Variants in CDH16 observed in about 807,000 individuals in gnomAD.
CDH16 encodes cadherin-16.
In CDH16, 79 loss-of-function variants were observed where a neutral mutation model predicts 87.6. That is an observed-to-expected ratio of 0.90 (90% CI 0.75 to 1.09). The LOEUF (loss-of-function observed/expected upper bound fraction) is 1.09, where lower values mean the gene tolerates loss of function less well. CDH16 is among the 50% of genes least tolerant of loss of function. CDH16 has a pLI of 0.00. For missense variants in CDH16, 1,124 were observed against 1,071.7 expected, an observed-to-expected ratio of 1.05 and a Z score of -0.68; for synonymous variants, 457 against 439.5, an observed-to-expected ratio of 1.04 and a Z score of -0.50.
At chr16:66,917,841 C>A in intron 2 of CDH16, 116 bp from the exon 3 acceptor site, 2 of 1,032,782 alleles carry the variant, frequency 1.9e-6, no homozygotes, top group Non-Finnish European at 2.8e-6. Context: ...CTTAGTCCAT[C>A]CACCCGCGCT....
intron 3 of CDH16, 109 bp downstream of exon 3, chr16:66,917,533 A>C: frequency 1.3e-6 from 1 of 786,248 alleles, no homozygotes; most frequent in Admixed American, 2.0e-5. Flanking sequence ...TACTCTCTGG[A>C]AAGCAGGATT....
rs777997212 is a variant in CDH16 at position 66,915,403 on chromosome 16, T to C, written c.425-25A>G. ...CCTGGTTCACGGTGGGAGGGCAAAC[T>C]GTAAGGGATAGAGAGGGTGGGGAGA... On this transcript the variant is annotated intron_variant, in intron 5 of 17. Transcript: ENST00000299752. 5.0e-6 allele frequency: 8 copies of C among 1,610,968 alleles called. No individual in the cohort carries two copies. In the South Asian group the frequency reaches 6.6e-5, roughly 13 times the overall value.
Position 66,910,086 on chromosome 16 carries a change from A to C in CDH16, c.2175T>G (p.His725Gln). Residue 725 changes from histidine to glutamine, a missense_variant, in exon 16 of 18, where the codon CAT (histidine) becomes CAG (glutamine). Transcript: ENST00000299752. ...AATGCAGGGCCAAGGTGAGGTAGGC[A>C]TGGGAACCTTTTGGGACAGCAGGCA... is the stretch of plus-strand genomic sequence containing the variant. ...DWRLQTLNGS[H>Q]AYLTLALHWV... 1.9e-6 allele frequency: 3 copies of C among 1,610,924 alleles called. No homozygotes were observed. Among genetic ancestry groups the C allele is most frequent in the Non-Finnish European group, 2.5e-6 (3 of 1,178,258 alleles).
Position 66,916,359 on chromosome 16 carries a change from C to T in CDH16, c.200G>A (p.Gly67Asp). 2 of 1,614,008 alleles carry T rather than the reference C, an allele frequency of 1.2e-6. No homozygotes were observed. The highest frequency in any genetic ancestry group is 1.3e-5 in the African/African-American group (1 of 75,070). The change falls in exon 4 of 18, where the codon GGC (glycine) becomes GAC (aspartate). Residue 67 changes from glycine to aspartate, a missense_variant. Coordinates refer to ENST00000299752, the MANE Select transcript of CDH16 (RefSeq NM_004062.4). The surrounding 1 kb of genome is among the most constrained non-coding windows in gnomAD (Gnocchi z 4.1). ...LSGDSGKATE[G>D]PFAMDPDSGF... ...AGAATCTGGATCCATAGCAAATGGG[C>T]CCTCAGTTGCCTTGCCTGAGTCCCC...
Position 66,908,361 on chromosome 16 carries a change from C to T in CDH16, c.*31G>A, listed in dbSNP as rs150191844. On this transcript the variant is annotated 3_prime_UTR_variant, in exon 18 of 18. Transcript: ENST00000299752. ...CAGGGGACTCAGATGGAGCCAGAGG[C>T]CAAGCTCCCAGCTAGAGCTGCCTGG... 201 of 1,585,922 alleles carry T rather than the reference C, an allele frequency of 1.3e-4. 2 individuals are homozygous for T. Among genetic ancestry groups the T allele is most frequent in the African/African-American group, 1.2e-3 (93 of 74,504 alleles).
At position 66,908,305 on chromosome 16, in the gene CDH16, C is replaced by T. The variant is rs1962246021; in HGVS notation, c.*87G>A. On this transcript the variant is annotated 3_prime_UTR_variant, in exon 18 of 18. Coordinates refer to ENST00000299752, the MANE Select transcript of CDH16 (RefSeq NM_004062.4). ...GAGGGGCTTCTACTCTGTCCTGTCC[C>T]CTGCTGGATCTTGGGTGCTGGGCTC... The T allele has an allele frequency of 6.5e-6, 7 of 1,084,396 alleles. No homozygotes were observed. Among genetic ancestry groups the T allele is most frequent in the Non-Finnish European group, 8.4e-6 (6 of 710,114 alleles). 67.2% of individuals were successfully genotyped at this position (1,084,396 alleles called of 1,614,324 possible).
At position 66,911,248 on chromosome 16, in the gene CDH16, C is replaced by A. The variant is rs748123110; in HGVS notation, c.1858G>T (p.Ala620Ser). 3.1e-6 allele frequency: 5 copies of A among 1,613,384 alleles called. No individual in the cohort carries two copies. The South Asian group carries it at 5.5e-5, about 18-fold the overall frequency. The change falls in exon 14 of 18, where the codon GCC (alanine) becomes TCC (serine). Residue 620 changes from alanine to serine, a missense_variant. Coordinates refer to ENST00000299752, the MANE Select transcript of CDH16 (RefSeq NM_004062.4). ...IEKFSGEVHTAQSLQGAQPGD... is the reference protein window; with the variant it reads ...IEKFSGEVHTSQSLQGAQPGD... ...GGCTGGGCGCCCTGCAGGGACTGGGCGGTGTGCACCTCCCCGGAGAATTTC... is the reference window on the plus strand; with the variant it reads ...GGCTGGGCGCCCTGCAGGGACTGGGAGGTGTGCACCTCCCCGGAGAATTTC...
In CDH16 at chr16:66,912,558, G is replaced by A. The variant is rs375955552; in HGVS notation, c.1305C>T (p.Val435=). The A allele has an allele frequency of 8.7e-6, 14 of 1,614,034 alleles. No homozygotes were observed. The highest frequency in any genetic ancestry group is 2.2e-5 in the East Asian group (1 of 44,894). ...AEGGFSSTCE[V]EVAVTDINDH... is the part of the protein sequence containing the mutation. ...CATTGATATCTGTGACTGCGACTTC[G>A]ACTTCACACGTGCTGCTGAAGCCTA... Residue 435 remains valine, a synonymous_variant, in exon 11 of 18, where the codon GTC becomes GTT. Transcript: ENST00000299752.
In CDH16 at chr16:66,914,405, G is replaced by A; in HGVS notation, c.591C>T (p.Thr197=). 2 of 1,613,296 alleles carry A rather than the reference G, an allele frequency of 1.2e-6. No individual in the cohort carries two copies. Among genetic ancestry groups the A allele is most frequent in the Non-Finnish European group, 1.7e-6 (2 of 1,179,448 alleles). The change falls in exon 7 of 18, where the codon ACC becomes ACT. Residue 197 remains threonine, a synonymous_variant. Coordinates refer to ENST00000299752, the MANE Select transcript of CDH16 (RefSeq NM_004062.4). The part of the protein sequence containing the change: ...GALALSPKGS[T]SLDHALERTY... Reference sequence around the variant, plus strand: ...TCCTCTCCAGGGCGTGGTCAAGGCTGGTGCTCCCTAGAACAGGGAGGATGG... The same window carrying A: ...TCCTCTCCAGGGCGTGGTCAAGGCTAGTGCTCCCTAGAACAGGGAGGATGG...
chr16:66,911,911 C>A lies in CDH16; in HGVS notation c.1778G>T (p.Ser593Ile), dbSNP rs1391200997. The change falls in exon 13 of 18, where the codon AGC becomes ATC. Residue 593 changes from serine to isoleucine, a missense_variant. Transcript: ENST00000299752. ...LLTIQPSDPISRTLRFSLVND... is the reference protein window; with the variant it reads ...LLTIQPSDPIIRTLRFSLVND... The stretch of plus-strand genomic sequence containing the variant: ...GATTTTAGCTCACCTGAGGGTTCGG[C>A]TGATGGGGTCGGAGGGCTGGATGGT... 1 of 1,600,162 alleles carries A rather than the reference C, an allele frequency of 6.2e-7. No individual in the cohort carries two copies. Among genetic ancestry groups the A allele is most frequent in the Admixed American group, 1.7e-5 (1 of 59,496 alleles).
intron 1 of CDH16, 132 bp from the exon 2 acceptor site, chr16:66,918,210 A>C: frequency 1.7e-6 from 1 of 600,002 alleles, no homozygotes; most frequent in Non-Finnish European, 2.8e-6. Flanking sequence ...GAGGCTCTCC[A>C]TCTCCTGCAG....
chr16:66,910,000 T>G lies in CDH16; in HGVS notation c.2261A>C (p.Gln754Pro). ...VVVSHNAQMWQLLVRVIVCRC... is the reference protein window; with the variant it reads ...VVVSHNAQMWPLLVRVIVCRC... The stretch of plus-strand genomic sequence containing the variant: ...CCCAATCTCACCTCGAACCAGGAGC[T>G]GCCACATCTGGGCATTGTGGCTGAC... Residue 754 changes from glutamine (Q) to proline (P), a missense_variant, in exon 16 of 18, where the codon CAG (glutamine) becomes CCG (proline). By Grantham distance (76) the Gln-to-Pro change is moderately conservative. Coordinates refer to ENST00000299752, the MANE Select transcript of CDH16 (RefSeq NM_004062.4). The surrounding 1 kb of genome is among the most constrained non-coding windows in gnomAD (Gnocchi z 4.1). 1.2e-6 allele frequency: 2 copies of G among 1,605,754 alleles called. No individual in the cohort carries two copies. The highest frequency in any genetic ancestry group is 1.7e-6 in the Non-Finnish European group (2 of 1,175,192).
At position 66,910,064 on chromosome 16, in the gene CDH16, G is replaced by A; in HGVS notation, c.2197C>T (p.His733Tyr). 6.2e-7 allele frequency: 1 copy of A among 1,612,850 alleles called. No individual in the cohort carries two copies. The highest frequency in any genetic ancestry group is 8.5e-7 in the Non-Finnish European group (1 of 1,179,264). The change falls in exon 16 of 18, where the codon CAT becomes TAT. Residue 733 changes from histidine (H) to tyrosine (Y), a missense_variant. Transcript: ENST00000299752. ...GSHAYLTLAL[H>Y]WVEPREHIIP... The stretch of plus-strand genomic sequence containing the variant: ...ATGTGTTCACGTGGCTCCACCCAAT[G>A]CAGGGCCAAGGTGAGGTAGGCATGG...
At chr16:66,917,131 C>CA (rs57115386) in intron 3 of CDH16, among the ~76,000 whole-genome samples, 4,406 of 108,230 alleles carry the variant, frequency 0.041, 76 homozygotes, top group Non-Finnish European at 0.063. Context: ...ACTAAAAATA[C>CA]AAAAAAAAAA....
At chr16:66,913,357 G>A (rs905067168) in intron 8 of CDH16, 76 bp from the exon 9 acceptor site, 34 of 1,551,970 alleles carry the variant, frequency 2.2e-5, no homozygotes, top group Admixed American at 7.5e-5. Context: ...GTTTCCTTCC[G>A]GTGGGCCAGC....
In CDH16 at chr16:66,912,057, G is replaced by T. The variant is rs779096250; in HGVS notation, c.1632C>A (p.Gly544=). The T allele has an allele frequency of 6.2e-7, 1 of 1,614,082 alleles. No homozygotes were observed. Among genetic ancestry groups the T allele is most frequent in the South Asian group, 1.1e-5 (1 of 91,086 alleles). The part of the protein sequence containing the change: ...SVAKLVGPGP[G]PGATATVTVL... Reference sequence around the variant, plus strand: ...CAGTCACCGTGGCGGTGGCTCCAGGGCCTGGGCCTGGCCCCACCAGCTTCG... The same window carrying T: ...CAGTCACCGTGGCGGTGGCTCCAGGTCCTGGGCCTGGCCCCACCAGCTTCG... The change falls in exon 13 of 18, where the codon GGC becomes GGA. Residue 544 remains glycine, a synonymous_variant. Transcript: ENST00000299752.
Position 66,909,903 on chromosome 16 carries a change from T to A in CDH16, c.2275+83A>T. On this transcript the variant is annotated intron_variant, in intron 16 of 17. Coordinates refer to ENST00000299752, the MANE Select transcript of CDH16 (RefSeq NM_004062.4). This position sits in a 1 kb window ranked among gnomAD's most constrained non-coding sequence, Gnocchi z 4.1. Reference sequence around the variant, plus strand: ...GCATGTGCTGTCCACATGAGCAGCCTGTATGCATGTGTACCAGCTCCCTCC... The same window carrying A: ...GCATGTGCTGTCCACATGAGCAGCCAGTATGCATGTGTACCAGCTCCCTCC... The A allele has an allele frequency of 1.0e-6, 1 of 968,450 alleles. No homozygotes were observed. The highest frequency in any genetic ancestry group is 2.4e-5 in the East Asian group (1 of 41,416). 60.0% of individuals were successfully genotyped at this position (968,450 alleles called of 1,614,324 possible).
At chr16:66,908,557 T>C in intron 17 of CDH16, 68 bp from the exon 18 acceptor site, 1 of 1,182,758 alleles carries the variant, frequency 8.5e-7, no homozygotes, top group Admixed American at 1.7e-5. Flanking sequence ...CACGAGGGAC[T>C]TCCTGTGATT....
At chr16:66,917,843 AC>A (rs1289172768) in intron 2 of CDH16, 118 bp from the exon 3 acceptor site, 36 of 1,020,650 alleles carry the variant, frequency 3.5e-5, no homozygotes, top group Admixed American at 1.2e-4. Flanking sequence ...TAGTCCATCC[AC>A]CCGCGCTCTG....
Sources: gnomAD v4.1 joint callset for allele counts (sites outside exome capture counted in the v4.1 genomes callset) on GRCh38, gnomAD v4.1.1 for gene constraint, Gnocchi (gnomAD v3.1) non-coding constraint, MANE v1.5 for transcripts, NCBI Gene and HGNC (gene_info 2026-07-23, HGNC 2026-07-21) for gene names.